The following SIPA1L1 variants were observed in gnomAD, a reference collection of about 807,000 sequenced individuals.
SIPA1L1 encodes signal induced proliferation associated 1 like 1, also known as signal-induced proliferation-associated 1-like protein 1.
In SIPA1L1, 26 loss-of-function variants were observed where a neutral mutation model predicts 162.7. The observed-to-expected ratio is 0.16, with a 90% confidence interval of 0.12 to 0.22. The LOEUF is 0.22. Among genes scored for constraint, SIPA1L1 ranks in the 10% least tolerant of loss-of-function variants. SIPA1L1 has a pLI of 1.00. For missense variants in SIPA1L1, 1,874 were observed against 2,241.0 expected, an observed-to-expected ratio of 0.84 and a Z score of 3.31; for synonymous variants, 829 against 837.4, an observed-to-expected ratio of 0.99 and a Z score of 0.17.
chr14:71,378,326 T>C (rs909238772), intron 2 of SIPA1L1, among the ~76,000 whole-genome samples: 3 of 152,176 alleles, frequency 2.0e-5, no homozygotes, highest in Non-Finnish European at 2.9e-5. Flanking sequence ...ATCTTTCTTA[T>C]TTTCTTTTAT....
At chr14:71,707,120 G>C (rs1490122542) in intron 16 of SIPA1L1, among the ~76,000 whole-genome samples, 1 of 149,776 alleles carries the variant, frequency 6.7e-6, no homozygotes, top group Non-Finnish European at 1.5e-5. Flanking sequence ...TCTACCAAAA[G>C]ACACACACAC....
intron 3 of SIPA1L1, among the ~76,000 whole-genome samples, chr14:71,515,823 G>A (rs1412232987): frequency 6.6e-6 from 1 of 152,054 alleles, no homozygotes; most frequent in Non-Finnish European, 1.5e-5. Flanking sequence ...TTGTTGTTTA[G>A]TAGAGATGGG....
chr14:71,545,937 CA>C (rs2055146576), intron 4 of SIPA1L1, among the ~76,000 whole-genome samples: 1 of 151,944 alleles, frequency 6.6e-6, no homozygotes, highest in African/African-American at 2.4e-5. Flanking sequence ...CCCATCTCTA[CA>C]AAAAATAAAA....
chr14:71,738,404 T>C (rs1034639334), intron 23 of SIPA1L1, 79 bp downstream of exon 23: 13 of 970,884 alleles, frequency 1.3e-5, no homozygotes, highest in Non-Finnish European at 1.9e-5. Context: ...CTAAGTAGCA[T>C]GGTAAAATAA....
intron 2 of SIPA1L1, chr14:71,413,839 G>C (rs1391173298): frequency 6.6e-6 from 1 of 152,178 alleles, no homozygotes; most frequent in African/African-American, 2.4e-5. Flanking sequence ...ATTGTGATTT[G>C]ATTAGTAGTG....
At chr14:71,531,420 C>T (rs552292928) in intron 4 of SIPA1L1, among the ~76,000 whole-genome samples, 2 of 151,882 alleles carry the variant, frequency 1.3e-5, no homozygotes, top group South Asian at 4.2e-4. Flanking sequence ...CGAAATAGTA[C>T]TGTGTATCAG....
chr14:71,618,857 C>T lies in SIPA1L1; in HGVS notation c.1599C>T (p.Tyr533=). ...AAATGAAAGAAAATGGATCTCCGTA[C>T]AACTACCGAATAATTTTTAGAACTA... ...PDEMKENGSP[Y]NYRIIFRTSE... Residue 533 remains tyrosine, a synonymous_variant, in exon 6 of 24, where the codon TAC becomes TAT. Coordinates refer to ENST00000381232, the MANE Select transcript of SIPA1L1 (RefSeq NM_001386936.1). The T allele has an allele frequency of 1.2e-6, 2 of 1,613,810 alleles. No individual in the cohort carries two copies. Among genetic ancestry groups the T allele is most frequent in the Admixed American group, 1.7e-5 (1 of 59,994 alleles).
At chr14:71,524,137 G>GT (rs2052630542) in intron 3 of SIPA1L1, among the ~76,000 whole-genome samples, 1 of 152,168 alleles carries the variant, frequency 6.6e-6, no homozygotes, top group African/African-American at 2.4e-5. Flanking sequence ...GTTCCTGTCT[G>GT]TTGAAATACA....
intron 12 of SIPA1L1, among the ~76,000 whole-genome samples, chr14:71,675,432 A>G (rs1313743463): frequency 1.4e-5 from 2 of 145,806 alleles, no homozygotes; most frequent in Admixed American, 7.0e-5. Context: ...TACAGTTTCC[A>G]TCTGAAAAGT....
chr14:71,577,898 A>ATTTTTTT (rs2147205035), intron 4 of SIPA1L1, among the ~76,000 whole-genome samples: 1 of 150,934 alleles, frequency 6.6e-6, no homozygotes, highest in Admixed American at 6.6e-5. Context: ...CGCCTGGCTA[A>ATTTTTTT]TTTTTTTTAT....
rs1041399853 is a variant in SIPA1L1 at position 71,500,448 on chromosome 14, A to G, written c.-464-12295A>G. On this transcript the variant is annotated intron_variant, in intron 2 of 23. Transcript: ENST00000381232. ...AAATTAAAGCCACAGTTGTATTATT[A>G]TATTCTTACCAGTAGAACAAATGAA... Among the ~76,000 whole-genome samples the G allele has an allele frequency of 3.9e-5, 6 of 152,332 alleles. No individual in the cohort carries two copies. The South Asian group carries it at 8.3e-4, about 21-fold the overall frequency.
chr14:71,722,862 A>G (rs1032792860), intron 17 of SIPA1L1, among the ~76,000 whole-genome samples: 5 of 152,114 alleles, frequency 3.3e-5, no homozygotes, highest in African/African-American at 9.7e-5. Flanking sequence ...CAGCCTCCCA[A>G]GTAGTTGGGA....
At chr14:71,470,952 C>T (rs1361554971) in intron 2 of SIPA1L1, among the ~76,000 whole-genome samples, 14 of 152,102 alleles carry the variant, frequency 9.2e-5, no homozygotes, top group Admixed American at 9.2e-4. Flanking sequence ...ATTCTCCTGC[C>T]TCAGCCTCCC....
At chr14:71,735,774 G>A (rs1178534541) in intron 22 of SIPA1L1, among the ~76,000 whole-genome samples, 3 of 152,088 alleles carry the variant, frequency 2.0e-5, no homozygotes, top group African/African-American at 4.8e-5. Flanking sequence ...TTATACATGC[G>A]CTTGCTGAGT....
chr14:71,726,818 C>T (rs1322117611), intron 19 of SIPA1L1, among the ~76,000 whole-genome samples: 1 of 152,246 alleles, frequency 6.6e-6, no homozygotes, highest in Middle Eastern at 3.4e-3. Flanking sequence ...TTCTGAGAGT[C>T]GTCATCTGAA....
chr14:71,600,380 C>T (rs765825048), intron 5 of SIPA1L1, among the ~76,000 whole-genome samples: 7 of 152,126 alleles, frequency 4.6e-5, no homozygotes, highest in African/African-American at 1.2e-4. Context: ...GTGTTCTTGA[C>T]ACCTTTGTCA....
At chr14:71,664,525 A>G (rs1334057731) in intron 10 of SIPA1L1, among the ~76,000 whole-genome samples, 1 of 152,206 alleles carries the variant, frequency 6.6e-6, no homozygotes, top group African/African-American at 2.4e-5. Context: ...TGGGGTATCC[A>G]TCACCCCAAG....
Position 71,675,768 on chromosome 14 carries a change from A to G in SIPA1L1, c.3104+3146A>G, listed in dbSNP as rs542205815. On this transcript the variant is annotated intron_variant, in intron 12 of 23. Transcript: ENST00000381232. The stretch of plus-strand genomic sequence containing the variant: ...CCTCCTTGAGGCAAGCTGCTCCTCT[A>G]CCCCTCAGCCTGGTGGTTCTTAGGG... Among the ~76,000 whole-genome samples, 4 of 151,926 alleles carry G rather than the reference A, an allele frequency of 2.6e-5. No individual in the cohort carries two copies. In the East Asian group the frequency reaches 7.8e-4, roughly 30 times the overall value.
chr14:71,704,737 A>C, intron 15 of SIPA1L1: 2 of 1,612,758 alleles, frequency 1.2e-6, no homozygotes, highest in Non-Finnish European at 1.7e-6. Context: ...GTTATAGAGG[A>C]CCTCAGGATT....
Sources: gnomAD v4.1 joint callset for allele counts (sites outside exome capture counted in the v4.1 genomes callset) on GRCh38, gnomAD v4.1.1 for gene constraint, MANE v1.5 for transcripts, NCBI Gene and HGNC (gene_info 2026-07-23, HGNC 2026-07-21) for gene names.